Variants in TMEM273 observed in about 807,000 individuals in gnomAD.
The protein encoded by TMEM273 is chromosome 10 open reading frame 128.
A neutral mutation model predicts 17.9 loss-of-function variants in TMEM273; 19 were observed. The observed-to-expected ratio is 1.06, with a 90% CI of 0.74 to 1.55. The LOEUF (loss-of-function observed/expected upper bound fraction) is 1.55, where lower values mean the gene tolerates loss of function less well. Among genes scored for constraint, TMEM273 ranks in the 40% most tolerant of loss-of-function variants. TMEM273 has a pLI of 0.00. For missense variants in TMEM273, 194 were observed against 155.6 expected (o/e 1.25, Z -1.31); for synonymous variants, 66 against 62.0 (o/e 1.07, Z -0.31).
At chr10:49,155,931 T>C in intron 6 of TMEM273, 22 bp from the exon 7 acceptor site, 1 of 1,614,116 alleles carries the variant, frequency 6.2e-7, no homozygotes, top group Admixed American at 1.7e-5. Context: ...GAGAACCATC[T>C]GGAAGACTTA....
chr10:49,172,041 G>A (rs1846608252), intron 1 of TMEM273, among the ~76,000 whole-genome samples: 1 of 152,346 alleles, frequency 6.6e-6, no homozygotes, highest in East Asian at 1.9e-4. Flanking sequence ...GGGAGAGGCT[G>A]CCCTAAGTGT....
chr10:49,164,655 T>G lies in TMEM273; in HGVS notation c.348+550A>C, dbSNP rs117678879. Among the ~76,000 whole-genome samples the G allele has an allele frequency of 6.5e-3, 990 of 152,318 alleles. 7 individuals carry two copies. The highest frequency in any genetic ancestry group is 0.01 in the Middle Eastern group (3 of 294). On this transcript the variant is annotated intron_variant, in intron 5 of 6. Transcript: ENST00000374153. ...ACACTTGCTTCTGCCACACTGCATGTTTGTCAGCGGCAGGTTTTACCCATG... is the reference window on the plus strand; with the variant it reads ...ACACTTGCTTCTGCCACACTGCATGGTTGTCAGCGGCAGGTTTTACCCATG...
chr10:49,177,733 T>C (rs750408803), intron 1 of TMEM273, among the ~76,000 whole-genome samples: 6 of 152,226 alleles, frequency 3.9e-5, no homozygotes, highest in Non-Finnish European at 8.8e-5. Flanking sequence ...GGAGGGTCTC[T>C]TTTCTTTAGG....
chr10:49,169,088 C>G (rs1284009377), intron 1 of TMEM273, among the ~76,000 whole-genome samples: 1 of 152,166 alleles, frequency 6.6e-6, no homozygotes, highest in East Asian at 1.9e-4. Flanking sequence ...GGAAGGCCTA[C>G]AGACGTGAAT....
intron 1 of TMEM273, among the ~76,000 whole-genome samples, chr10:49,175,945 C>T (rs574730306): frequency 2.6e-5 from 4 of 152,322 alleles, no homozygotes; most frequent in Non-Finnish European, 4.4e-5. Context: ...AGGACTTGCC[C>T]CACCTTTGAG....
At chr10:49,172,113 T>C (rs924850133) in intron 1 of TMEM273, among the ~76,000 whole-genome samples, 6 of 152,190 alleles carry the variant, frequency 3.9e-5, no homozygotes, top group African/African-American at 1.4e-4. Context: ...GGCTCCTAAC[T>C]TTAGAGCTCA....
At chr10:49,161,677 CAA>C (rs1845851505) in intron 5 of TMEM273, 55 bp from the exon 6 acceptor site, 1 of 1,610,370 alleles carries the variant, frequency 6.2e-7, no homozygotes, top group Admixed American at 1.7e-5. Flanking sequence ...GCCAGAAAGA[CAA>C]TGCAAAACTT....
intron 1 of TMEM273, chr10:49,178,372 T>C: frequency 4.5e-6 from 2 of 447,142 alleles, no homozygotes; most frequent in Non-Finnish European, 9.0e-6. Context: ...ACTGAGCAGG[T>C]TCTAGAGCAA....
chr10:49,158,669 A>G (rs1459941375), intron 6 of TMEM273, among the ~76,000 whole-genome samples: 1 of 152,234 alleles, frequency 6.6e-6, no homozygotes, highest in African/African-American at 2.4e-5. Flanking sequence ...CCAATGGAGA[A>G]TAAAGCCTAG....
At chr10:49,170,439 A>C (rs984255133) in intron 1 of TMEM273, among the ~76,000 whole-genome samples, 2 of 152,038 alleles carry the variant, frequency 1.3e-5, no homozygotes, top group Non-Finnish European at 2.9e-5. Context: ...GCTCACCCCC[A>C]AAAAGAGGCC....
chr10:49,166,486 T>C, intron 3 of TMEM273: 1 of 284,040 alleles, frequency 3.5e-6, no homozygotes, highest in South Asian at 3.8e-5. Context: ...TCTCATCATT[T>C]GGATGAGAGA....
intron 3 of TMEM273, 114 bp downstream of exon 3, chr10:49,166,742 TGCCTTCCTTTACA>T: frequency 7.1e-6 from 10 of 1,409,582 alleles, no homozygotes; most frequent in Non-Finnish European, 9.9e-6. Context: ...CAGAGGTCAC[TGCCTTCCTTTACA>T]GCCTGTTGGG....
At chr10:49,168,920 C>T (rs79072974) in intron 1 of TMEM273, among the ~76,000 whole-genome samples, 8,947 of 152,210 alleles carry the variant, frequency 0.059, 339 homozygotes, top group Non-Finnish European at 0.09. Context: ...GGGTGCAGTG[C>T]TGGCATTAAT....
chr10:49,180,241 C>T (rs1022372176), intron 1 of TMEM273, among the ~76,000 whole-genome samples: 1 of 152,102 alleles, frequency 6.6e-6, no homozygotes, highest in Non-Finnish European at 1.5e-5. Flanking sequence ...ACATGAAGAG[C>T]AGTGATGAGC....
intron 1 of TMEM273, among the ~76,000 whole-genome samples, chr10:49,186,197 C>T (rs1466523921): frequency 2.6e-5 from 4 of 152,140 alleles, no homozygotes; most frequent in Non-Finnish European, 5.9e-5. Flanking sequence ...ATCACTTCAT[C>T]ACTTCTGTTT....
rs539089716 is a variant in TMEM273 at position 49,169,729 on chromosome 10, T to C, written c.44-1767A>G. ...TGTCTTATTGTTTTTTTTAAGTCAA[T>C]CTTGCTGCTCCAGCTAGGTTGAACA... On this transcript the variant is annotated intron_variant, in intron 1 of 6. Transcript: ENST00000374153. 2.0e-4 allele frequency among the ~76,000 whole-genome samples: 31 copies of C among 152,270 alleles called. 1 individual carries two copies. The highest frequency in any genetic ancestry group is 2.6e-4 in the Admixed American group (4 of 15,296).
In TMEM273 at chr10:49,166,877, C is replaced by T. The variant is rs753662535; in HGVS notation, c.230G>A (p.Gly77Asp). 1.2e-6 allele frequency: 2 copies of T among 1,613,690 alleles called. No individual in the cohort carries two copies. Among genetic ancestry groups the T allele is most frequent in the Non-Finnish European group, 8.5e-7 (1 of 1,179,990 alleles). The stretch of plus-strand genomic sequence containing the variant: ...AGCACCACATCCCTCACCACTGAGG[C>T]CCCCAGGCGTGCTTTTCAGGTCGGA... ...DSSDLKSTPG[G>D]LSDTIPLKKR... The change falls in exon 3 of 7, where the codon GGC becomes GAC. Residue 77 changes from glycine (G) to aspartate (D), a missense_variant. Coordinates refer to ENST00000374153, the MANE Select transcript of TMEM273 (RefSeq NM_001288740.3).
chr10:49,161,119 G>A (rs41306830), intron 6 of TMEM273: 1 of 159,850 alleles, frequency 6.3e-6, no homozygotes, highest in South Asian at 1.8e-4. Flanking sequence ...AGGGGTCCGA[G>A]ATCCTGTCCC....
Position 49,166,942 on chromosome 10 carries a change from C to T in TMEM273, c.165G>A (p.Lys55=). 1 of 1,614,132 alleles carries T rather than the reference C, an allele frequency of 6.2e-7. No homozygotes were observed. Among genetic ancestry groups the T allele is most frequent in the African/African-American group, 1.3e-5 (1 of 75,016 alleles). ...ATAAGTGCCTCCTGATCATGCAGATCTTCAGGGCCAGGAAGCCAGCAGATA... is the reference window on the plus strand; with the variant it reads ...ATAAGTGCCTCCTGATCATGCAGATTTTCAGGGCCAGGAAGCCAGCAGATA... ...VAISAGFLAL[K]ICMIRRHLFD... The change falls in exon 3 of 7, where the codon AAG becomes AAA. Residue 55 remains lysine, a synonymous_variant. Transcript: ENST00000374153.
Sources: allele counts gnomAD v4.1 joint callset (sites outside exome capture counted in the v4.1 genomes callset), GRCh38; gene constraint gnomAD v4.1.1; transcripts MANE v1.5; gene names NCBI Gene and HGNC (gene_info 2026-07-23, HGNC 2026-07-21).